Variants in BBS9 observed in about 807,000 individuals in gnomAD.
The protein encoded by BBS9 is protein PTHB1.
BBS9 carries 89 observed loss-of-function variants against 117.7 expected under a neutral mutation model. The ratio of observed to expected loss-of-function variants is 0.76; its 90% CI spans 0.64 to 0.90. The LOEUF (loss-of-function observed/expected upper bound fraction) is 0.90, where lower values mean the gene tolerates loss of function less well. BBS9 is among the 40% of genes least tolerant of loss of function. The probability of loss-of-function intolerance (pLI) is 0.00; values close to 1 mark genes in which losing one functional copy is unlikely to be tolerated. For synonymous variants in BBS9, 379 were observed against 370.9 expected, an observed-to-expected ratio of 1.02 and a Z score of -0.25; for missense variants, 982 against 1,042.2, an observed-to-expected ratio of 0.94 and a Z score of 0.80.
At chr7:33,311,895 CTG>C (rs753480637) in intron 9 of BBS9, among the ~76,000 whole-genome samples, 1 of 152,052 alleles carries the variant, frequency 6.6e-6, no homozygotes, top group Non-Finnish European at 1.5e-5. Context: ...TGACATTCCT[CTG>C]TGCAATAGAA....
intron 5 of BBS9, among the ~76,000 whole-genome samples, chr7:33,211,852 G>C (rs1360587178): frequency 1.3e-5 from 2 of 152,014 alleles, no homozygotes; most frequent in Admixed American, 6.6e-5. Context: ...ACTATTGAAG[G>C]GTAAGGGTTT....
At chr7:33,407,101 A>C (rs975421553) in intron 19 of BBS9, among the ~76,000 whole-genome samples, 21 of 152,118 alleles carry the variant, frequency 1.4e-4, no homozygotes, top group African/African-American at 4.8e-4. Flanking sequence ...CTTTTCACAT[A>C]GTCCCATATT....
chr7:33,597,482 C>A (rs1048704976), intron 21 of BBS9, among the ~76,000 whole-genome samples: 1 of 152,108 alleles, frequency 6.6e-6, no homozygotes, highest in Non-Finnish European at 1.5e-5. Flanking sequence ...AAGATTTTCT[C>A]CTCTGTGAAG....
In BBS9 at chr7:33,137,525, A is replaced by G. The variant is rs571071166; in HGVS notation, c.-12+7484A>G. On this transcript the variant is annotated intron_variant, in intron 1 of 22. Transcript: ENST00000242067. The stretch of plus-strand genomic sequence containing the variant: ...AGCCAGTGTCTTCGCAGTGGCTGCC[A>G]TCACTGCTGCCTAAGTTGTCTTTTG... Among the ~76,000 whole-genome samples the G allele has an allele frequency of 3.4e-3, 518 of 152,330 alleles. 2 individuals are homozygous for G. The highest frequency in any genetic ancestry group is 0.012 in the African/African-American group (501 of 41,584).
At chr7:33,255,001 G>T (rs1404327061) in intron 5 of BBS9, among the ~76,000 whole-genome samples, 1 of 150,988 alleles carries the variant, frequency 6.6e-6, no homozygotes, top group East Asian at 1.9e-4. Flanking sequence ...TTTTTGAATT[G>T]GTTTATTTGT....
chr7:33,585,620 A>G (rs138588318), intron 21 of BBS9, among the ~76,000 whole-genome samples: 2,586 of 152,222 alleles, frequency 0.017, 34 homozygotes, highest in Middle Eastern at 0.034. Flanking sequence ...AACACAAAAT[A>G]AGTAACACTA....
rs573554655 is a variant in BBS9, at chr7:33,269,601, A to G, written c.703-3411A>G. On this transcript the variant is annotated intron_variant, in intron 7 of 22. Coordinates refer to ENST00000242067, the MANE Select transcript of BBS9 (RefSeq NM_198428.3). ...GAGTGCCAAGCTGTGATTTACAGCC[A>G]GCACAGAAGTGGGAGAAGAGCTGCA... 2.6e-5 allele frequency among the ~76,000 whole-genome samples: 4 copies of G among 152,274 alleles called. No homozygotes were observed. In the East Asian group the frequency reaches 7.7e-4, roughly 29 times the overall value.
intron 19 of BBS9, among the ~76,000 whole-genome samples, chr7:33,451,311 T>TA (rs1441509049): frequency 4.6e-5 from 7 of 152,226 alleles, no homozygotes; most frequent in Non-Finnish European, 7.3e-5. Context: ...TGTTTTCTTC[T>TA]AAAAATTATA....
At chr7:33,577,834 C>G (rs10265444) in intron 21 of BBS9, among the ~76,000 whole-genome samples, 1 of 151,918 alleles carries the variant, frequency 6.6e-6, no homozygotes, top group South Asian at 2.1e-4. Context: ...TTCTCACTCA[C>G]AGGTGAGAAT....
At chr7:33,177,623 T>G in intron 5 of BBS9, 32 bp downstream of exon 5, 1 of 1,381,800 alleles carries the variant, frequency 7.2e-7, no homozygotes, top group Non-Finnish European at 1.0e-6. Context: ...GTATGCTATT[T>G]CAAGTGACAG....
At chr7:33,356,724 C>A (rs912419293) in intron 15 of BBS9, among the ~76,000 whole-genome samples, 2 of 151,810 alleles carry the variant, frequency 1.3e-5, no homozygotes, top group Non-Finnish European at 3.0e-5. Context: ...GTAAGACATA[C>A]AATTCCAATT....
intron 19 of BBS9, among the ~76,000 whole-genome samples, chr7:33,495,249 T>C (rs1452442123): frequency 6.6e-6 from 1 of 152,198 alleles, no homozygotes; most frequent in Admixed American, 6.5e-5. Context: ...TTTGGGAGCA[T>C]GCCCTACCTG....
At chr7:33,219,502 CA>C (rs952559192) in intron 5 of BBS9, among the ~76,000 whole-genome samples, 19 of 152,306 alleles carry the variant, frequency 1.2e-4, no homozygotes, top group African/African-American at 4.6e-4. Context: ...CACCAATCGG[CA>C]CTCTGTATCT....
intron 19 of BBS9, among the ~76,000 whole-genome samples, chr7:33,413,980 C>T (rs1230571509): frequency 6.6e-6 from 1 of 152,050 alleles, no homozygotes; most frequent in African/African-American, 2.4e-5. Context: ...GCTGATAATG[C>T]GCCATTGCAC....
rs767399661 is a variant in BBS9, at chr7:33,492,214, C to CA, written c.2116-13239dup. The stretch of plus-strand genomic sequence containing the variant: ...CAAGATTCCACCTCGAAAAAAAAAA[C>CA]AAAAAAAAAACAAAAAAAAAACTTG... On this transcript the variant is annotated intron_variant, in intron 19 of 22. Transcript: ENST00000242067. 9.6e-4 allele frequency among the ~76,000 whole-genome samples: 106 copies of CA among 110,576 alleles called. 2 individuals carry two copies. Among genetic ancestry groups the CA allele is most frequent in the East Asian group, 2.1e-3 (8 of 3,726 alleles). The allele number at this position is 110,576 out of a possible 152,430, so 72.5% of individuals were successfully genotyped here. A position where few individuals can be genotyped will look rare whatever the true frequency, so the allele number is the denominator to read the frequency against.
intron 21 of BBS9, among the ~76,000 whole-genome samples, chr7:33,559,962 T>A (rs1385005905): frequency 6.6e-6 from 1 of 152,146 alleles, no homozygotes; most frequent in Non-Finnish European, 1.5e-5. Flanking sequence ...GCTGGCTGAC[T>A]CCTGTAGTCC....
At chr7:33,552,590 G>T (rs759627362) in intron 21 of BBS9, among the ~76,000 whole-genome samples, 1 of 152,120 alleles carries the variant, frequency 6.6e-6, no homozygotes, top group Admixed American at 6.5e-5. Flanking sequence ...CTTTCTGGCT[G>T]TGTAACTTCA....
intron 19 of BBS9, among the ~76,000 whole-genome samples, chr7:33,452,537 TC>T (rs1838042649): frequency 6.6e-6 from 1 of 152,224 alleles, no homozygotes. Flanking sequence ...GTGGAGAAGA[TC>T]ATATGTCCCT....
upstream of BBS9, chr7:33,129,376 A>C (rs1562636608): frequency 9.6e-6 from 4 of 415,450 alleles, no homozygotes; most frequent in Non-Finnish European, 1.7e-5. Context: ...TGCAGTAATT[A>C]TCACTCTCTG....
Sources: gnomAD v4.1 joint callset for allele counts (sites outside exome capture counted in the v4.1 genomes callset) on GRCh38, gnomAD v4.1.1 for gene constraint, MANE v1.5 for transcripts, NCBI Gene and HGNC (gene_info 2026-07-23, HGNC 2026-07-21) for gene names.